Variants in LNPK observed in about 807,000 individuals in gnomAD.
LNPK encodes endoplasmic reticulum junction formation protein lunapark.
A neutral mutation model predicts 55.2 loss-of-function variants in LNPK; 29 were observed. That is an observed-to-expected ratio of 0.53 (90% CI 0.39 to 0.72). The LOEUF (loss-of-function observed/expected upper bound fraction) is 0.72, where lower values mean the gene tolerates loss of function less well. Among genes scored for constraint, LNPK ranks in the 30% least tolerant of loss-of-function variants. The pLI is 0.00. For missense variants in LNPK, 467 were observed against 494.8 expected, an observed-to-expected ratio of 0.94 and a Z score of 0.53; for synonymous variants, 162 against 168.2, an observed-to-expected ratio of 0.96 and a Z score of 0.29.
Position 175,935,246 on chromosome 2 carries a change from TTAA to T in LNPK, c.1054+2095_1054+2097del, listed in dbSNP as rs558461864. Among the ~76,000 whole-genome samples, 5 of 152,288 alleles carry T rather than the reference TTAA, an allele frequency of 3.3e-5. No homozygotes were observed. In the East Asian group the frequency reaches 5.8e-4, roughly 18 times the overall value. On this transcript the variant is annotated intron_variant, in intron 12 of 12. Transcript: ENST00000272748. ...CTAAGAAGGAGCCACTGCAATACTT[TTAA>T]TAATATAAGAATTAAAGCAGAAAAG...
At chr2:175,988,667 T>C (rs1687550528) in intron 4 of LNPK, among the ~76,000 whole-genome samples, 1 of 152,178 alleles carries the variant, frequency 6.6e-6, no homozygotes, top group Admixed American at 6.5e-5. Context: ...ATGATTTATT[T>C]TGGTGTAAAA....
chr2:175,961,155 G>C (rs1344650839), intron 8 of LNPK, among the ~76,000 whole-genome samples: 2 of 152,290 alleles, frequency 1.3e-5, no homozygotes, highest in Non-Finnish European at 2.9e-5. Context: ...CATTCCTTCT[G>C]AAACTATTCC....
intron 12 of LNPK, among the ~76,000 whole-genome samples, chr2:175,930,797 A>G (rs1235819685): frequency 1.3e-5 from 2 of 152,118 alleles, no homozygotes; most frequent in Non-Finnish European, 2.9e-5. Context: ...ATCCCTCTGC[A>G]AGACAAGTCC....
rs7571968 is a variant in LNPK at position 175,927,031 on chromosome 2, A to C, written c.*2936T>G. 80,081 of 151,916 alleles carry C rather than the reference A, an allele frequency of 0.53. 21,864 individuals are homozygous for C. The highest frequency in any genetic ancestry group is 0.66 in the African/African-American group (27,265 of 41,402). The allele number at this position is 151,916 out of a possible 1,614,324, so 9.4% of individuals were successfully genotyped here. A position where few individuals can be genotyped will look rare whatever the true frequency, so the allele number is the denominator to read the frequency against. On this transcript the variant is annotated 3_prime_UTR_variant, in exon 13 of 13. Coordinates refer to ENST00000272748, the MANE Select transcript of LNPK (RefSeq NM_030650.3). ...GTAAGTCCTTTGGTGTTGGGAAGAAACCCTAGGGAAAGAATATGCAGAATG... is the reference window on the plus strand; with the variant it reads ...GTAAGTCCTTTGGTGTTGGGAAGAACCCCTAGGGAAAGAATATGCAGAATG...
At chr2:175,963,551 G>A (rs190460777) in intron 8 of LNPK, among the ~76,000 whole-genome samples, 21 of 152,226 alleles carry the variant, frequency 1.4e-4, no homozygotes, top group African/African-American at 2.9e-4. Context: ...TCTGGGGACT[G>A]TTGTGGGGTG....
chr2:175,988,033 A>G lies in LNPK; in HGVS notation c.257+4198T>C, dbSNP rs576226041. On this transcript the variant is annotated intron_variant, in intron 4 of 12. Coordinates refer to ENST00000272748, the MANE Select transcript of LNPK (RefSeq NM_030650.3). ...TAACTAAACCTTCCTTACTTTGGGTAAAGAATTAACATTCTATAAACCTGG... is the reference window on the plus strand; with the variant it reads ...TAACTAAACCTTCCTTACTTTGGGTGAAGAATTAACATTCTATAAACCTGG... Among the ~76,000 whole-genome samples, 10 of 152,354 alleles carry G rather than the reference A, an allele frequency of 6.6e-5. No individual in the cohort carries two copies. The East Asian group carries it at 1.9e-3, about 29-fold the overall frequency.
chr2:176,002,198 C>T lies in LNPK; in HGVS notation c.-101G>A, dbSNP rs1473129530. 2 of 449,912 alleles carry T rather than the reference C, an allele frequency of 4.4e-6. 1 individual carries two copies. Among genetic ancestry groups the T allele is most frequent in the Admixed American group, 4.7e-5 (2 of 42,160 alleles). 27.9% of individuals were successfully genotyped at this position (449,912 alleles called of 1,614,324 possible). A position where few individuals can be genotyped will look rare whatever the true frequency, so the allele number is the denominator to read the frequency against. On this transcript the variant is annotated 5_prime_UTR_variant, in exon 1 of 13. Transcript: ENST00000272748. ...GCGCAGCCCGGCCCGGGCGTCCACC[C>T]CCGCCAGTCTCGGCCGCCACCGCCC...
Position 175,929,165 on chromosome 2 carries a change from G to A in LNPK, c.*802C>T. On this transcript the variant is annotated 3_prime_UTR_variant, in exon 13 of 13. Coordinates refer to ENST00000272748, the MANE Select transcript of LNPK (RefSeq NM_030650.3). ...TTTCCTTAATAAAATACAAACAAGA[G>A]CACAAAATTCACTTATATATCATCA... 1 of 976,276 alleles carries A rather than the reference G, an allele frequency of 1.0e-6. No individual in the cohort carries two copies. The highest frequency in any genetic ancestry group is 1.2e-6 in the Non-Finnish European group (1 of 821,402). The allele number at this position is 976,276 out of a possible 1,614,324, so 60.5% of individuals were successfully genotyped here.
At chr2:175,949,439 G>A (rs747016358) in intron 8 of LNPK, among the ~76,000 whole-genome samples, 3 of 152,050 alleles carry the variant, frequency 2.0e-5, no homozygotes, top group Non-Finnish European at 4.4e-5. Flanking sequence ...ATCAAATACT[G>A]TAAATCATTT....
At chr2:175,967,770 T>G in intron 6 of LNPK, 1 of 972,320 alleles carries the variant, frequency 1.0e-6, no homozygotes, top group Non-Finnish European at 1.2e-6. Flanking sequence ...AGTCACATCT[T>G]TCTTCTTTGC....
intron 12 of LNPK, among the ~76,000 whole-genome samples, chr2:175,935,224 A>G (rs1254136894): frequency 6.6e-6 from 1 of 152,114 alleles, no homozygotes; most frequent in South Asian, 2.1e-4. Flanking sequence ...TCTGCTGCTA[A>G]GAAGGAGCCA....
chr2:175,929,882 C>CA lies in LNPK; in HGVS notation c.*84dup, dbSNP rs1684179490. Reference sequence around the variant, plus strand: ...ATACACAAGCATACCCTTAGAGGGGCAAAAAAAGTAAGTGCCACCGAAAAA... The same window carrying CA: ...ATACACAAGCATACCCTTAGAGGGGCAAAAAAAAGTAAGTGCCACCGAAAAA... On this transcript the variant is annotated 3_prime_UTR_variant, in exon 13 of 13. Coordinates refer to ENST00000272748, the MANE Select transcript of LNPK (RefSeq NM_030650.3). 3 of 1,565,766 alleles carry CA rather than the reference C, an allele frequency of 1.9e-6. No homozygotes were observed. Among genetic ancestry groups the CA allele is most frequent in the South Asian group, 2.4e-5 (2 of 82,290 alleles).
intron 5 of LNPK, among the ~76,000 whole-genome samples, chr2:175,978,162 T>A (rs72912950): frequency 0.061 from 9,252 of 151,908 alleles, 326 homozygotes; most frequent in Admixed American, 0.12. Flanking sequence ...TCAGAAAAAA[T>A]TAAAAATAAC....
intron 2 of LNPK, 87 bp from the exon 3 acceptor site, chr2:175,993,310 C>A: frequency 1.3e-6 from 1 of 768,108 alleles, no homozygotes; most frequent in Non-Finnish European, 2.0e-6. Context: ...ACATTTATTT[C>A]AAAATTAAAT....
intron 9 of LNPK, among the ~76,000 whole-genome samples, chr2:175,944,024 C>G (rs1342250242): frequency 6.6e-6 from 1 of 151,968 alleles, no homozygotes; most frequent in East Asian, 1.9e-4. Context: ...GTAGAAAATA[C>G]TATGTAATCT....
chr2:175,958,227 T>C (rs1574846672), intron 8 of LNPK, among the ~76,000 whole-genome samples: 1 of 152,230 alleles, frequency 6.6e-6, no homozygotes, highest in Middle Eastern at 3.4e-3. Flanking sequence ...CAGCATGGAG[T>C]TTGAGCTCTG....
At chr2:175,938,590 T>C (rs1189274150) in intron 10 of LNPK, 1 of 362,594 alleles carries the variant, frequency 2.8e-6, no homozygotes, top group East Asian at 4.2e-5. Flanking sequence ...TTTAAAAATA[T>C]AATTTATACA....
chr2:175,931,793 A>G (rs1251412556), intron 12 of LNPK, among the ~76,000 whole-genome samples: 2 of 152,212 alleles, frequency 1.3e-5, no homozygotes, highest in Non-Finnish European at 2.9e-5. Flanking sequence ...AGAAAGGAAA[A>G]GCAGAAAGGG....
intron 8 of LNPK, among the ~76,000 whole-genome samples, chr2:175,958,560 T>A (rs556398769): frequency 2.2e-4 from 34 of 152,294 alleles, no homozygotes; most frequent in African/African-American, 7.9e-4. Flanking sequence ...AAACCCCATC[T>A]ATAGGTCACC....
Sources: gnomAD v4.1 joint callset for allele counts (sites outside exome capture counted in the v4.1 genomes callset) on GRCh38, gnomAD v4.1.1 for gene constraint, MANE v1.5 for transcripts, NCBI Gene and HGNC (gene_info 2026-07-23, HGNC 2026-07-21) for gene names.